Variants in C4orf46 observed in about 807,000 individuals in gnomAD.
C4orf46 encodes the protein renal cancer differentiation gene 1 protein.
C4orf46 carries 8 observed loss-of-function variants against 9.1 expected under a neutral mutation model. That is an observed-to-expected ratio of 0.88 (90% confidence interval 0.52 to 1.59). The LOEUF is 1.59. Ranked by LOEUF, C4orf46 falls within the 40% of genes most tolerant of loss-of-function variation. C4orf46 has a pLI of 0.00. For synonymous variants in C4orf46, 51 were observed against 58.8 expected (o/e 0.87, Z 0.61); for missense variants, 151 against 139.1 (o/e 1.09, Z -0.43).
At chr4:158,672,047 A>G (rs112645305), upstream of C4orf46, 2,702 of 558,560 alleles carry the variant, frequency 4.8e-3, 40 homozygotes, top group African/African-American at 0.038. Context: ...CTCGAAGGGC[A>G]CTCGTAGAGA....
rs1428509017 is a variant in C4orf46, at chr4:158,671,742, G to A, written c.60C>T (p.Pro20=). 1.9e-6 allele frequency: 3 copies of A among 1,582,974 alleles called. No individual in the cohort carries two copies. Among genetic ancestry groups the A allele is most frequent in the Non-Finnish European group, 2.6e-6 (3 of 1,164,968 alleles). Residue 20 remains proline, a synonymous_variant, in exon 1 of 2, where the codon CCC becomes CCT. Transcript: ENST00000379205. ...SSPPPPPPSS[P]SSSDASAASS... is the part of the protein sequence containing the mutation. ...ATGCTGCAGAGGCGTCTGAAGAGGAGGGAGAAGAGGGAGGCGGCGGGGGCG... is the reference window on the plus strand; with the variant it reads ...ATGCTGCAGAGGCGTCTGAAGAGGAAGGAGAAGAGGGAGGCGGCGGGGGCG...
In C4orf46 at chr4:158,671,597, G is replaced by C; in HGVS notation, c.186+19C>G. The C allele has an allele frequency of 6.7e-7, 1 of 1,488,484 alleles. No individual in the cohort carries two copies. The highest frequency in any genetic ancestry group is 9.0e-7 in the Non-Finnish European group (1 of 1,111,334). The allele number at this position is 1,488,484 out of a possible 1,614,324, so 92.2% of individuals were successfully genotyped here. ...CCCAGAGGCGCCGAGGGGGGACGCG[G>C]TCCCGACACCACACTCACGTCTCCG... On this transcript the variant is annotated intron_variant, in intron 1 of 1. Transcript: ENST00000379205.
At chr4:158,670,479 A>T (rs1773501769) in intron 1 of C4orf46, among the ~76,000 whole-genome samples, 1 of 152,214 alleles carries the variant, frequency 6.6e-6, no homozygotes, top group Non-Finnish European at 1.5e-5. Flanking sequence ...TGAACACTTT[A>T]AACAATGAAA....
chr4:158,671,549 C>A (rs905263807), intron 1 of C4orf46, 67 bp downstream of exon 1: 3 of 1,391,870 alleles, frequency 2.2e-6, no homozygotes, highest in South Asian at 1.6e-5. Flanking sequence ...CCTAGCCTCG[C>A]GAGCCCCGCC....
In C4orf46 at chr4:158,669,626, T is replaced by C. The variant is rs752735762; in HGVS notation, c.329A>G (p.Lys110Arg). 1 of 1,612,808 alleles carries C rather than the reference T, an allele frequency of 6.2e-7. No homozygotes were observed. The highest frequency in any genetic ancestry group is 8.5e-7 in the Non-Finnish European group (1 of 1,179,810). The change falls in exon 2 of 2, where the codon AAA (lysine) becomes AGA (arginine). Residue 110 changes from lysine to arginine, a missense_variant. Physicochemically the swap from Lys to Arg is conservative, Grantham distance 26 (BLOSUM62 2). Coordinates refer to ENST00000379205, the MANE Select transcript of C4orf46 (RefSeq NM_001008393.4). Reference protein sequence around the residue: ...DLLKEGYDSLKPDD With the variant: ...DLLKEGYDSLRPDD ...AAGTATGCCAAATCAGTCATCAGGT[T>C]TCAAAGAATCATAGCCTTCTTTCAA...
Position 158,668,575 on chromosome 4 carries a change from CA to C in C4orf46, c.*1037del, listed in dbSNP as rs1239036632. The C allele has an allele frequency of 3.3e-5, 5 of 152,256 alleles. No individual in the cohort carries two copies. Among genetic ancestry groups the C allele is most frequent in the Admixed American group, 1.3e-4 (2 of 15,294 alleles). 9.4% of individuals were successfully genotyped at this position (152,256 alleles called of 1,614,324 possible). On this transcript the variant is annotated 3_prime_UTR_variant, in exon 2 of 2. Coordinates refer to ENST00000379205, the MANE Select transcript of C4orf46 (RefSeq NM_001008393.4). ...GACACACAACACAAAACACCAAAAG[CA>C]ACATAAGATACAGGATGCAAAATAG...
rs1481726184 is a variant in C4orf46, at chr4:158,668,309, T to A, written c.*1304A>T. 1 of 152,652 alleles carries A rather than the reference T, an allele frequency of 6.6e-6. No individual in the cohort carries two copies. The highest frequency in any genetic ancestry group is 1.5e-5 in the Non-Finnish European group (1 of 68,034). The allele number at this position is 152,652 out of a possible 1,614,324, so 9.5% of individuals were successfully genotyped here. On this transcript the variant is annotated 3_prime_UTR_variant, in exon 2 of 2. Coordinates refer to ENST00000379205, the MANE Select transcript of C4orf46 (RefSeq NM_001008393.4). ...TTTTTCTAATACTGAAATAAGCATA[T>A]CTTTGGTATAGAAATCACACCCTAT...
chr4:158,670,616 T>C (rs889697134), intron 1 of C4orf46, among the ~76,000 whole-genome samples: 16 of 152,350 alleles, frequency 1.1e-4, no homozygotes, highest in Admixed American at 1.3e-4. Context: ...TCTTCACCAA[T>C]GATATAAAAT....
Position 158,671,666 on chromosome 4 carries a change from T to C in C4orf46, c.136A>G (p.Ser46Gly), listed in dbSNP as rs149785447. ...SLGWPVPSRS[S>G]GPTVDQLEEV... is the part of the protein sequence containing the mutation. ...TCCAGCTGGTCCACCGTTGGGCCGCTGCTCCTGCTCGGAACTGGCCAGCCC... is the reference window on the plus strand; with the variant it reads ...TCCAGCTGGTCCACCGTTGGGCCGCCGCTCCTGCTCGGAACTGGCCAGCCC... The change falls in exon 1 of 2, where the codon AGC (serine) becomes GGC (glycine). Residue 46 changes from serine to glycine, a missense_variant. Physicochemically the swap from Ser to Gly is moderately conservative, Grantham distance 56 (BLOSUM62 0). Coordinates refer to ENST00000379205, the MANE Select transcript of C4orf46 (RefSeq NM_001008393.4). 3.7e-6 allele frequency: 6 copies of C among 1,604,594 alleles called. No homozygotes were observed. The highest frequency in any genetic ancestry group is 1.7e-4 in the Middle Eastern group (1 of 5,838).
rs764234322 is a variant in C4orf46, at chr4:158,669,764, G to A, written c.191C>T (p.Ala64Val). 1.3e-6 allele frequency: 2 copies of A among 1,582,490 alleles called. No homozygotes were observed. The highest frequency in any genetic ancestry group is 1.9e-5 in the Admixed American group (1 of 51,620). Residue 64 changes from alanine (A) to valine (V), a missense_variant, in exon 2 of 2, where the codon GCC becomes GTC. Transcript: ENST00000379205. Reference sequence around the variant, plus strand: ...TTCAAGAAGTTTGGTTAATGAAAAGGCTGCCTAAAAAAAAAAAGTCAAACA... The same window carrying A: ...TTCAAGAAGTTTGGTTAATGAAAAGACTGCCTAAAAAAAAAAAGTCAAACA... Reference protein sequence around the residue: ...EEVELQIGDAAFSLTKLLEAT... With the variant: ...EEVELQIGDAVFSLTKLLEAT...
Position 158,671,679 on chromosome 4 carries a change from A to T in C4orf46, c.123T>A (p.Val41=). 2 of 1,611,554 alleles carry T rather than the reference A, an allele frequency of 1.2e-6. No homozygotes were observed. The highest frequency in any genetic ancestry group is 1.7e-6 in the Non-Finnish European group (2 of 1,178,762). ...CCGTTGGGCCGCTGCTCCTGCTCGG[A>T]ACTGGCCAGCCCAAACTCACTGGGC... is the stretch of plus-strand genomic sequence containing the variant. ...PGGPVSLGWP[V]PSRSSGPTVD... Residue 41 remains valine (V), a synonymous_variant, in exon 1 of 2, where the codon GTT becomes GTA. Coordinates refer to ENST00000379205, the MANE Select transcript of C4orf46 (RefSeq NM_001008393.4).
chr4:158,667,580 T>C lies in C4orf46; in HGVS notation c.*2033A>G, dbSNP rs1773412419. The stretch of plus-strand genomic sequence containing the variant: ...GAAAAATGAGCAAAAATGCCTGTAA[T>C]CCCAGTGCTTTATAGGAGGAGGCGA... On this transcript the variant is annotated 3_prime_UTR_variant, in exon 2 of 2. Transcript: ENST00000379205. 1.3e-5 allele frequency: 2 copies of C among 151,996 alleles called. No homozygotes were observed. Among genetic ancestry groups the C allele is most frequent in the African/African-American group, 4.8e-5 (2 of 41,334 alleles). The allele number at this position is 151,996 out of a possible 1,614,324, so 9.4% of individuals were successfully genotyped here.
At position 158,669,503 on chromosome 4, in the gene C4orf46, T is replaced by C. The variant is rs962363826; in HGVS notation, c.*110A>G. On this transcript the variant is annotated 3_prime_UTR_variant, in exon 2 of 2. Coordinates refer to ENST00000379205, the MANE Select transcript of C4orf46 (RefSeq NM_001008393.4). ...ACCAAGAAAAATTTCATTCTGAGTA[T>C]ATACAGAACTGCTGGACAGAGGTCA... The C allele has an allele frequency of 3.6e-5, 38 of 1,057,832 alleles. No individual in the cohort carries two copies. The highest frequency in any genetic ancestry group is 5.0e-5 in the Non-Finnish European group (37 of 738,386). 65.5% of individuals were successfully genotyped at this position (1,057,832 alleles called of 1,614,324 possible).
In C4orf46 at chr4:158,669,572, T is replaced by C; in HGVS notation, c.*41A>G. ...TGTACAAAATATGACATAAGAAGTA[T>C]GAATTATTGCAGTCATTATTAAACA... On this transcript the variant is annotated 3_prime_UTR_variant, in exon 2 of 2. Coordinates refer to ENST00000379205, the MANE Select transcript of C4orf46 (RefSeq NM_001008393.4). 1 of 1,594,022 alleles carries C rather than the reference T, an allele frequency of 6.3e-7. No individual in the cohort carries two copies. The highest frequency in any genetic ancestry group is 8.6e-7 in the Non-Finnish European group (1 of 1,164,628).
chr4:158,671,581 G>A, intron 1 of C4orf46, 35 bp downstream of exon 1: 4 of 1,448,438 alleles, frequency 2.8e-6, no homozygotes, highest in Non-Finnish European at 3.7e-6. Flanking sequence ...TCCCAGAGGC[G>A]CCGAGGGGGG....
Position 158,666,727 on chromosome 4 carries a change from A to G in C4orf46, c.*2886T>C, listed in dbSNP as rs1773384644. ...TTAATATATGCAACGTACATCACACAGGAGAAAACTCAATGAAAAGGTAAA... is the reference window on the plus strand; with the variant it reads ...TTAATATATGCAACGTACATCACACGGGAGAAAACTCAATGAAAAGGTAAA... On this transcript the variant is annotated 3_prime_UTR_variant, in exon 2 of 2. Coordinates refer to ENST00000379205, the MANE Select transcript of C4orf46 (RefSeq NM_001008393.4). 1 of 152,262 alleles carries G rather than the reference A, an allele frequency of 6.6e-6. No homozygotes were observed. 9.4% of individuals were successfully genotyped at this position (152,262 alleles called of 1,614,324 possible).
chr4:158,666,869 G>C lies in C4orf46; in HGVS notation c.*2744C>G, dbSNP rs2150297018. ...TAGGCTTCCAGAGGCAGAAACTGTG[G>C]AAGGTAAATATATGTTAAGAAACTA... On this transcript the variant is annotated 3_prime_UTR_variant, in exon 2 of 2. Coordinates refer to ENST00000379205, the MANE Select transcript of C4orf46 (RefSeq NM_001008393.4). 6.6e-6 allele frequency: 1 copy of C among 152,304 alleles called. No homozygotes were observed. Among genetic ancestry groups the C allele is most frequent in the Non-Finnish European group, 1.5e-5 (1 of 68,010 alleles). The allele number at this position is 152,304 out of a possible 1,614,324, so 9.4% of individuals were successfully genotyped here.
In C4orf46 at chr4:158,667,731, G is replaced by C. The variant is rs982677186; in HGVS notation, c.*1882C>G. On this transcript the variant is annotated 3_prime_UTR_variant, in exon 2 of 2. Coordinates refer to ENST00000379205, the MANE Select transcript of C4orf46 (RefSeq NM_001008393.4). ...AAAAAAAAAAAGAGTAAAAGATATG[G>C]CCTCAGAAATCACACACTGCATTTG... is the stretch of plus-strand genomic sequence containing the variant. The C allele has an allele frequency of 6.6e-6, 1 of 151,690 alleles. No homozygotes were observed. The highest frequency in any genetic ancestry group is 1.5e-5 in the Non-Finnish European group (1 of 67,952). The allele number at this position is 151,690 out of a possible 1,614,324, so 9.4% of individuals were successfully genotyped here. A position where few individuals can be genotyped will look rare whatever the true frequency, so the allele number is the denominator to read the frequency against.
chr4:158,669,988 A>G (rs1021794582), intron 1 of C4orf46, among the ~76,000 whole-genome samples: 11 of 136,380 alleles, frequency 8.1e-5, no homozygotes, highest in African/African-American at 3.1e-4. Context: ...AATATCCATT[A>G]TGTCTGAGAT....
Sources: allele counts gnomAD v4.1 joint callset (sites outside exome capture counted in the v4.1 genomes callset), GRCh38; gene constraint gnomAD v4.1.1; transcripts MANE v1.5; gene names NCBI Gene and HGNC (gene_info 2026-07-23, HGNC 2026-07-21).